Variants in ZZEF1 observed in about 807,000 individuals in gnomAD.
The protein encoded by ZZEF1 is zinc finger ZZ-type and EF-hand domain containing 1.
A neutral mutation model predicts 342.8 loss-of-function variants in ZZEF1; 157 were observed. The ratio of observed to expected loss-of-function variants is 0.46; its 90% CI spans 0.40 to 0.52. ZZEF1 has a LOEUF of 0.52. Among genes scored for constraint, ZZEF1 ranks in the 20% least tolerant of loss-of-function variants. The pLI, the probability that ZZEF1 is intolerant of heterozygous loss-of-function variation, is 0.00. For synonymous variants in ZZEF1, 1,505 were observed against 1,429.1 expected (o/e 1.05, Z -1.20); for missense variants, 3,480 against 3,725.6 (o/e 0.93, Z 1.72).
intron 2 of ZZEF1, among the ~76,000 whole-genome samples, chr17:4,117,720 T>C (rs1216288980): frequency 3.3e-5 from 5 of 151,520 alleles, no homozygotes; most frequent in African/African-American, 1.2e-4. Context: ...AGAATAACGA[T>C]TTTTTGTTTC....
At chr17:4,087,783 A>ACC (rs58500122) in intron 13 of ZZEF1, among the ~76,000 whole-genome samples, 1 of 145,990 alleles carries the variant, frequency 6.8e-6, no homozygotes, top group South Asian at 2.1e-4. Context: ...ATATACACAC[A>ACC]ACACACACAC....
chr17:4,127,572 T>A (rs1186332139), intron 1 of ZZEF1, among the ~76,000 whole-genome samples: 1 of 152,104 alleles, frequency 6.6e-6, no homozygotes, highest in Non-Finnish European at 1.5e-5. Context: ...TTTCTTATGT[T>A]TAAAACTTTC....
intron 30 of ZZEF1, among the ~76,000 whole-genome samples, chr17:4,061,377 T>A (rs1439485205): frequency 3.3e-5 from 5 of 152,068 alleles, no homozygotes; most frequent in Non-Finnish European, 7.4e-5. Context: ...GACTTCTAGG[T>A]AAAGAAGTGT....
intron 1 of ZZEF1, among the ~76,000 whole-genome samples, chr17:4,133,039 CG>C (rs2058694781): frequency 6.6e-6 from 1 of 152,056 alleles, no homozygotes; most frequent in Non-Finnish European, 1.5e-5. Flanking sequence ...TGAGGCCCTG[CG>C]GTGGGAACGC....
At chr17:4,111,667 A>AT (rs1358237695) in intron 5 of ZZEF1, among the ~76,000 whole-genome samples, 1 of 149,594 alleles carries the variant, frequency 6.7e-6, no homozygotes, top group Non-Finnish European at 1.5e-5. Flanking sequence ...TCAAAAAAAA[A>AT]ATATATAGAA....
rs555279246 is a variant in ZZEF1 at position 4,046,566 on chromosome 17, G to A, written c.6016-2192C>T. Among the ~76,000 whole-genome samples the A allele has an allele frequency of 3.3e-5, 5 of 152,258 alleles. No individual in the cohort carries two copies. In the South Asian group the frequency reaches 1.0e-3, roughly 32 times the overall value. ...GGGTACCTAACTCAGCCTCCCCTCT[G>A]CATATGTAACCTCAATATCAATCCT... On this transcript the variant is annotated intron_variant, in intron 37 of 54. Coordinates refer to ENST00000381638, the MANE Select transcript of ZZEF1 (RefSeq NM_015113.4).
In ZZEF1 at chr17:4,034,281, A is replaced by C; in HGVS notation, c.6318T>G (p.Val2106=). The change falls in exon 40 of 55, where the codon GTT becomes GTG. Residue 2106 remains valine (V), a synonymous_variant. Transcript: ENST00000381638. ...GGACGTGCTCCAGGTCTATCAGGGGAACCGTGGGGCCCTGCCAAGAGAGGG... is the reference window on the plus strand; with the variant it reads ...GGACGTGCTCCAGGTCTATCAGGGGCACCGTGGGGCCCTGCCAAGAGAGGG... ...MLPPLKSGPT[V]PLIDLEHVLP... is the part of the protein sequence containing the mutation. The C allele has an allele frequency of 6.2e-7, 1 of 1,614,176 alleles. No individual in the cohort carries two copies. The highest frequency in any genetic ancestry group is 8.5e-7 in the Non-Finnish European group (1 of 1,180,006).
At chr17:4,013,866 G>C (rs998198110) in intron 51 of ZZEF1, among the ~76,000 whole-genome samples, 1 of 151,976 alleles carries the variant, frequency 6.6e-6, no homozygotes, top group Non-Finnish European at 1.5e-5. Flanking sequence ...CATCTTTTTC[G>C]GGTCCTGACA....
At chr17:4,090,331 A>G (rs2057917917) in intron 12 of ZZEF1, among the ~76,000 whole-genome samples, 1 of 110,876 alleles carries the variant, frequency 9.0e-6, no homozygotes, top group Admixed American at 9.7e-5. Flanking sequence ...CTATTCTCTC[A>G]GCCTGAGGTG....
Position 4,066,483 on chromosome 17 carries a change from T to G in ZZEF1, c.4213A>C (p.Ser1405Arg), listed in dbSNP as rs907865354. 2.1e-5 allele frequency: 34 copies of G among 1,614,122 alleles called. No homozygotes were observed. Among genetic ancestry groups the G allele is most frequent in the Non-Finnish European group, 2.5e-5 (29 of 1,180,014 alleles). ...GGGTTCACCTCAGTAGCTTCTGAACTATGTTTTTCTTCTGCTTCATTCCCC... is the reference window on the plus strand; with the variant it reads ...GGGTTCACCTCAGTAGCTTCTGAACGATGTTTTTCTTCTGCTTCATTCCCC... ...SLGNEAEEKHSSEATEVNPES... is the reference protein window; with the variant it reads ...SLGNEAEEKHRSEATEVNPES... Residue 1405 changes from serine (S) to arginine (R), a missense_variant, in exon 28 of 55, where the codon AGT becomes CGT. By Grantham distance (110) the Ser-to-Arg change is moderately radical (BLOSUM62 -1). Transcript: ENST00000381638.
At chr17:4,119,252 A>C (rs753710365) in intron 2 of ZZEF1, among the ~76,000 whole-genome samples, 1 of 152,218 alleles carries the variant, frequency 6.6e-6, no homozygotes, top group Non-Finnish European at 1.5e-5. Flanking sequence ...GACATCCTCC[A>C]ATATTCATCC....
intron 40 of ZZEF1, chr17:4,033,228 T>G (rs1394023275): frequency 2.2e-6 from 1 of 462,772 alleles, no homozygotes; most frequent in Non-Finnish European, 3.9e-6. Flanking sequence ...CAAAAATATC[T>G]ATAAAAATCA....
chr17:4,056,989 T>C (rs1276048327), intron 32 of ZZEF1: 1 of 152,242 alleles, frequency 6.6e-6, no homozygotes, highest in African/African-American at 2.4e-5. Context: ...AATAGAACTT[T>C]AAACAGAAAA....
intron 38 of ZZEF1, among the ~76,000 whole-genome samples, chr17:4,042,934 G>A (rs1332896231): frequency 5.3e-5 from 8 of 152,230 alleles, no homozygotes; most frequent in South Asian, 2.1e-4. Context: ...CGCCCACCTT[G>A]GCCTCTCAAA....
At position 4,066,541 on chromosome 17, in the gene ZZEF1, C is replaced by T; in HGVS notation, c.4156-1G>A. ...TCAGGGACTTCTGCTTCATCTCTAA[C>T]TAGGGGAGAATTTGAGCCACATCAT... On this transcript the variant is annotated splice_acceptor_variant, in intron 27 of 54. Transcript: ENST00000381638. LOFTEE classifies it high-confidence loss of function. 6.2e-7 allele frequency: 1 copy of T among 1,614,064 alleles called. No individual in the cohort carries two copies. Among genetic ancestry groups the T allele is most frequent in the East Asian group, 2.2e-5 (1 of 44,880 alleles).
Position 4,007,301 on chromosome 17 carries a change from C to T in ZZEF1, c.8806-331G>A, listed in dbSNP as rs183873911. ...GGAAGGGCAAGGCACTCACAGGAAA[C>T]GAACAGCCAGTGCTGGGGACCAGAG... On this transcript the variant is annotated intron_variant, in intron 54 of 54. Transcript: ENST00000381638. Among the ~76,000 whole-genome samples, 295 of 152,324 alleles carry T rather than the reference C, an allele frequency of 1.9e-3. 1 individual carries two copies. Among genetic ancestry groups the T allele is most frequent in the African/African-American group, 6.3e-3 (263 of 41,562 alleles).
chr17:4,044,749 C>T (rs1157660941), intron 37 of ZZEF1, among the ~76,000 whole-genome samples: 1 of 151,908 alleles, frequency 6.6e-6, no homozygotes, highest in East Asian at 2.0e-4. Flanking sequence ...GATCTCTTGA[C>T]CTCGTGATCT....
intron 53 of ZZEF1, chr17:4,009,295 A>C: frequency 1.8e-6 from 1 of 563,398 alleles, no homozygotes; most frequent in Non-Finnish European, 3.2e-6. Context: ...GGGAGGAAAA[A>C]AAGAGAAGGA....
Position 4,019,762 on chromosome 17 carries a change from T to G in ZZEF1, c.7412A>C (p.His2471Pro), listed in dbSNP as rs1287723804. 1 of 1,608,640 alleles carries G rather than the reference T, an allele frequency of 6.2e-7. No individual in the cohort carries two copies. The highest frequency in any genetic ancestry group is 1.3e-5 in the African/African-American group (1 of 74,550). Residue 2471 changes from histidine (H) to proline (P), a missense_variant, in exon 46 of 55, where the codon CAT becomes CCT. Physicochemically the swap from His to Pro is moderately conservative, Grantham distance 77 (BLOSUM62 -2). Transcript: ENST00000381638. ...EPTRICFLMA[H>P]DALNAPLHIL... is the part of the protein sequence containing the mutation. The stretch of plus-strand genomic sequence containing the variant: ...GTGCAGAGGGGCATTGAGGGCATCA[T>G]GAGCCATCTGGAGGCCAGGGGAGGA...
Sources: allele counts gnomAD v4.1 joint callset (sites outside exome capture counted in the v4.1 genomes callset), GRCh38; gene constraint gnomAD v4.1.1; transcripts MANE v1.5; gene names NCBI Gene and HGNC (gene_info 2026-07-23, HGNC 2026-07-21).